The following RNF217 variants were observed in gnomAD, a reference collection of about 807,000 sequenced individuals.
RNF217 encodes the protein E3 ubiquitin-protein ligase RNF217.
A neutral mutation model predicts 57.8 loss-of-function variants in RNF217; 31 were observed. That is an observed-to-expected ratio of 0.54 (90% CI 0.40 to 0.72). The LOEUF (loss-of-function observed/expected upper bound fraction) is 0.72. Ranked by LOEUF, RNF217 falls within the 30% of genes least tolerant of loss-of-function variation. The pLI, the probability that RNF217 is intolerant of heterozygous loss-of-function variation, is 0.00. For synonymous variants in RNF217, 313 were observed against 294.0 expected (o/e 1.06, Z -0.66); for missense variants, 696 against 708.3 (o/e 0.98, Z 0.20).
At chr6:124,987,575 G>A (rs908581337) in intron 1 of RNF217, among the ~76,000 whole-genome samples, 3 of 152,138 alleles carry the variant, frequency 2.0e-5, no homozygotes, top group Admixed American at 2.0e-4. Flanking sequence ...CATAAATTGA[G>A]CTCAGAAAAT....
At chr6:124,968,940 C>G (rs1783656769) in intron 1 of RNF217, among the ~76,000 whole-genome samples, 1 of 152,186 alleles carries the variant, frequency 6.6e-6, no homozygotes, top group Non-Finnish European at 1.5e-5. Context: ...GTATGATAAG[C>G]ACCATGAGAT....
chr6:125,027,498 T>A (rs1415179333), intron 1 of RNF217, among the ~76,000 whole-genome samples: 1 of 152,234 alleles, frequency 6.6e-6, no homozygotes, highest in Non-Finnish European at 1.5e-5. Flanking sequence ...CATTCTTTTT[T>A]ATGGCTGAAT....
At chr6:124,981,104 A>C (rs996325049) in intron 1 of RNF217, among the ~76,000 whole-genome samples, 1 of 152,228 alleles carries the variant, frequency 6.6e-6, no homozygotes, top group African/African-American at 2.4e-5. Flanking sequence ...GCAGTCACAG[A>C]CACTATATGG....
chr6:125,023,143 T>A (rs1785912701), intron 1 of RNF217, among the ~76,000 whole-genome samples: 1 of 152,060 alleles, frequency 6.6e-6, no homozygotes, highest in Non-Finnish European at 1.5e-5. Context: ...CTGATACAGT[T>A]TTGAGGTATT....
Position 125,015,875 on chromosome 6 carries a change from T to C in RNF217, c.883-29336T>C, listed in dbSNP as rs186669768. 1.3e-3 allele frequency among the ~76,000 whole-genome samples: 203 copies of C among 152,244 alleles called. 1 individual carries two copies. Among genetic ancestry groups the C allele is most frequent in the Admixed American group, 3.1e-3 (47 of 15,288 alleles). Reference sequence around the variant, plus strand: ...AATTAGAGATTAGATTAATAAAATATGGTATATTCATAGGATAGAATATAA... The same window carrying C: ...AATTAGAGATTAGATTAATAAAATACGGTATATTCATAGGATAGAATATAA... On this transcript the variant is annotated intron_variant, in intron 1 of 5. Transcript: ENST00000521654.
At chr6:125,047,729 CT>C (rs975660757) in intron 2 of RNF217, among the ~76,000 whole-genome samples, 5 of 150,818 alleles carry the variant, frequency 3.3e-5, no homozygotes, top group African/African-American at 1.2e-4. Flanking sequence ...CAATTGATTC[CT>C]TTTGATTAGT....
chr6:124,998,754 C>T (rs965049215), intron 1 of RNF217, among the ~76,000 whole-genome samples: 1 of 152,112 alleles, frequency 6.6e-6, no homozygotes, highest in Non-Finnish European at 1.5e-5. Context: ...TGAGCCATCG[C>T]ACCACTGCAC....
chr6:125,009,163 C>T, intron 1 of RNF217: 4 of 1,502,532 alleles, frequency 2.7e-6, no homozygotes, highest in Admixed American at 4.3e-5. Flanking sequence ...TTTCTCTTCT[C>T]ATATTCATAG....
At chr6:124,972,158 T>A (rs1470574696) in intron 1 of RNF217, among the ~76,000 whole-genome samples, 1 of 152,210 alleles carries the variant, frequency 6.6e-6, no homozygotes, top group African/African-American at 2.4e-5. Context: ...TTCCATTCAT[T>A]GTACTCAGGT....
chr6:124,997,323 G>T (rs1326162095), intron 1 of RNF217, among the ~76,000 whole-genome samples: 1 of 152,092 alleles, frequency 6.6e-6, no homozygotes. Context: ...CAATCCTGGT[G>T]CTTAAGTCAT....
intron 1 of RNF217, among the ~76,000 whole-genome samples, chr6:125,043,290 T>C (rs1171333476): frequency 6.6e-6 from 1 of 152,042 alleles, no homozygotes; most frequent in Non-Finnish European, 1.5e-5. Context: ...AAGTTGTCTC[T>C]TTCATCTGCT....
intron 1 of RNF217, among the ~76,000 whole-genome samples, chr6:124,982,986 G>A (rs774713866): frequency 5.3e-5 from 8 of 152,238 alleles, no homozygotes; most frequent in African/African-American, 1.9e-4. Context: ...GGAAAGAAAA[G>A]GGAAGAAGCA....
intron 1 of RNF217, among the ~76,000 whole-genome samples, chr6:125,041,877 T>C (rs1404894065): frequency 1.3e-5 from 2 of 152,040 alleles, no homozygotes; most frequent in African/African-American, 4.8e-5. Context: ...ATGTGATCAA[T>C]TGTAGGATGC....
chr6:125,032,100 C>A (rs1786385636), intron 1 of RNF217, among the ~76,000 whole-genome samples: 1 of 152,006 alleles, frequency 6.6e-6, no homozygotes, highest in South Asian at 2.1e-4. Flanking sequence ...AGACCGGCCC[C>A]CCATGATTCA....
At chr6:124,970,275 T>G (rs1284411165) in intron 1 of RNF217, among the ~76,000 whole-genome samples, 1 of 152,220 alleles carries the variant, frequency 6.6e-6, no homozygotes, top group Non-Finnish European at 1.5e-5. Flanking sequence ...AAAGATCAGT[T>G]AGAAGACTAT....
intron 2 of RNF217, among the ~76,000 whole-genome samples, chr6:125,054,699 G>C (rs1281576233): frequency 1.3e-5 from 2 of 152,188 alleles, no homozygotes; most frequent in African/African-American, 4.8e-5. Context: ...ATAAATTGTG[G>C]CCTGGGCGAT....
At chr6:125,072,250 A>G (rs1788173888) in intron 3 of RNF217, among the ~76,000 whole-genome samples, 1 of 152,206 alleles carries the variant, frequency 6.6e-6, no homozygotes, top group Non-Finnish European at 1.5e-5. Context: ...AAATATTCAT[A>G]TATAATCAAG....
At chr6:124,981,799 A>G (rs1784172601) in intron 1 of RNF217, among the ~76,000 whole-genome samples, 1 of 151,736 alleles carries the variant, frequency 6.6e-6, no homozygotes, top group African/African-American at 2.4e-5. Flanking sequence ...CAGGCAGACC[A>G]CTAGGTCAAG....
intron 1 of RNF217, 116 bp downstream of exon 1, chr6:124,963,542 A>C (rs1350370202): frequency 8.2e-7 from 1 of 1,223,898 alleles, no homozygotes; most frequent in African/African-American, 1.5e-5. Context: ...CTTACTGAGG[A>C]TCTCTGTTAG....
Sources: gnomAD v4.1 joint callset for allele counts (sites outside exome capture counted in the v4.1 genomes callset) on GRCh38, gnomAD v4.1.1 for gene constraint, MANE v1.5 for transcripts, NCBI Gene and HGNC (gene_info 2026-07-23, HGNC 2026-07-21) for gene names.